NHS: variants seen among roughly 807,000 people sequenced by gnomAD.
NHS encodes the protein actin remodeling regulator NHS.
Under a neutral mutation model 72.5 loss-of-function variants are expected in NHS, and 5 were observed. That is an observed-to-expected ratio of 0.07 (90% CI 0.04 to 0.14). NHS has a LOEUF of 0.14. Among genes scored for constraint, NHS ranks in the 10% least tolerant of loss-of-function variants. NHS has a pLI of 1.00. For synonymous variants in NHS, 464 were observed against 547.7 expected (o/e 0.85, Z 2.13); for missense variants, 1,072 against 1,355.7 (o/e 0.79, Z 3.29).
At chrX:17,719,568 T>A (rs925627755) in intron 4 of NHS, among the ~76,000 whole-genome samples, 162 bp downstream of exon 4, 1 of 111,761 alleles carries the variant, frequency 8.9e-6, no homozygotes, top group Non-Finnish European at 1.9e-5. Context: ...TTGAATTAAA[T>A]AGAATATAAC....
rs1378051848 is a variant in NHS at position 17,692,361 on chromosome X, G to C, written c.745G>C (p.Glu249Gln). 1 of 1,208,168 alleles carries C rather than the reference G, an allele frequency of 8.3e-7. No individual in the cohort carries two copies. Among genetic ancestry groups the C allele is most frequent in the Non-Finnish European group, 1.1e-6 (1 of 894,799 alleles). ...REHRSRSDRR[E>Q]QRAAAPLSIA... Reference sequence around the variant, plus strand: ...ACACCGGAGCCGGAGCGATCGCCGAGAGCAAAGAGCAGCTGCCCCCCTTTC... The same window carrying C: ...ACACCGGAGCCGGAGCGATCGCCGACAGCAAAGAGCAGCTGCCCCCCTTTC... Residue 249 changes from glutamate to glutamine, a missense_variant, in exon 3 of 9, where the codon GAG becomes CAG. Physicochemically the swap from Glu to Gln is conservative, Grantham distance 29. Coordinates refer to ENST00000676302, the MANE Select transcript of NHS (RefSeq NM_001291867.2).
intron 2 of NHS, among the ~76,000 whole-genome samples, chrX:17,688,364 C>G (rs1450446597): frequency 1.8e-5 from 2 of 111,924 alleles, no homozygotes; most frequent in Non-Finnish European, 3.8e-5. Context: ...TTTGGCTTGA[C>G]TCATAAATAG....
At chrX:17,468,859 T>C (rs958024917) in intron 1 of NHS, among the ~76,000 whole-genome samples, 18 of 111,505 alleles carry the variant, frequency 1.6e-4, no homozygotes, top group African/African-American at 5.9e-4. Flanking sequence ...CTGGCCTTAA[T>C]ACATTTTTTA....
chrX:17,380,352 G>A (rs1022793773), intron 1 of NHS, among the ~76,000 whole-genome samples: 7 of 106,924 alleles, frequency 6.5e-5, no homozygotes, highest in Admixed American at 5.1e-4. Context: ...TAGGAGAGGT[G>A]GAGAGGAAAT....
At chrX:17,460,343 A>G (rs1172409225) in intron 1 of NHS, among the ~76,000 whole-genome samples, 2 of 111,107 alleles carry the variant, frequency 1.8e-5, no homozygotes, top group East Asian at 2.8e-4. Flanking sequence ...ACAGTTCCAC[A>G]CTGCTGAGGA....
chrX:17,732,211 A>C lies in NHS; in HGVS notation c.4703A>C (p.Gln1568Pro), dbSNP rs1203640414. 8.3e-7 allele frequency: 1 copy of C among 1,210,163 alleles called. No individual in the cohort carries two copies. The highest frequency in any genetic ancestry group is 1.7e-5 in the African/African-American group (1 of 57,174). Residue 1568 changes from glutamine to proline, a missense_variant, in exon 9 of 9, where the codon CAA becomes CCA. Physicochemically the swap from Gln to Pro is moderately conservative, Grantham distance 76 (BLOSUM62 -1). Coordinates refer to ENST00000676302, the MANE Select transcript of NHS (RefSeq NM_001291867.2). ...ACCGATGATGCCCATCAGGGGTCAC[A>C]AGGGGCTGAGGCATTGTCCCCACTC... Reference protein sequence around the residue: ...QSTDDAHQGSQGAEALSPLSP... With the variant: ...QSTDDAHQGSPGAEALSPLSP...
intron 1 of NHS, among the ~76,000 whole-genome samples, chrX:17,431,715 G>A (rs1242454086): frequency 9.0e-6 from 1 of 111,684 alleles, no homozygotes; most frequent in Non-Finnish European, 1.9e-5. Flanking sequence ...TTAAACCTCT[G>A]CTTTCCATAT....
intron 1 of NHS, among the ~76,000 whole-genome samples, chrX:17,603,184 T>TG (rs200988602): frequency 9.0e-6 from 1 of 111,413 alleles, no homozygotes; most frequent in East Asian, 2.8e-4. Context: ...TGTGTGTGTA[T>TG]GGGGGGGCCC....
At chrX:17,605,567 T>A (rs2065674530) in intron 1 of NHS, among the ~76,000 whole-genome samples, 1 of 111,202 alleles carries the variant, frequency 9.0e-6, no homozygotes, top group South Asian at 3.9e-4. Context: ...GCCCCTTTAG[T>A]ATAGGGGCCC....
chrX:17,604,488 A>G (rs955338214), intron 1 of NHS, among the ~76,000 whole-genome samples: 5 of 112,300 alleles, frequency 4.5e-5, no homozygotes, highest in Non-Finnish European at 9.4e-5. Flanking sequence ...ATGCTGTTTT[A>G]GAAAGTAACT....
chrX:17,395,873 A>G (rs1012374225), intron 1 of NHS, among the ~76,000 whole-genome samples: 8 of 112,596 alleles, frequency 7.1e-5, no homozygotes, highest in Non-Finnish European at 1.5e-4. Flanking sequence ...GCTGCTTATA[A>G]GTAAGAAATA....
intron 1 of NHS, among the ~76,000 whole-genome samples, chrX:17,554,715 G>A (rs947724778): frequency 4.5e-5 from 5 of 112,316 alleles, no homozygotes; most frequent in South Asian, 3.7e-4. Context: ...GTTGAGACGC[G>A]TGTCTGTCTG....
At chrX:17,692,722 G>GA (rs1004930539) in intron 3 of NHS, among the ~76,000 whole-genome samples, 17 of 110,416 alleles carry the variant, frequency 1.5e-4, no homozygotes, top group Non-Finnish European at 1.7e-4. Context: ...CTAAAATCAG[G>GA]AAAAAAAATA....
chrX:17,543,066 A>G (rs1363999511), intron 1 of NHS, among the ~76,000 whole-genome samples: 1 of 111,771 alleles, frequency 8.9e-6, no homozygotes, highest in East Asian at 2.8e-4. Flanking sequence ...ACTTTAGTAC[A>G]TAATAATCAT....
intron 1 of NHS, among the ~76,000 whole-genome samples, chrX:17,675,618 T>C (rs1454687593): frequency 1.8e-5 from 2 of 111,545 alleles, no homozygotes; most frequent in African/African-American, 6.5e-5. Context: ...GTAGGACACC[T>C]CCCTTGACAC....
At chrX:17,398,950 A>C (rs1051171539) in intron 1 of NHS, among the ~76,000 whole-genome samples, 6 of 111,755 alleles carry the variant, frequency 5.4e-5, no homozygotes, top group African/African-American at 1.6e-4. Context: ...AAGAATACTA[A>C]GTTATTGCTA....
At chrX:17,570,776 TG>T (rs2065473743) in intron 1 of NHS, among the ~76,000 whole-genome samples, 1 of 111,905 alleles carries the variant, frequency 8.9e-6, no homozygotes, top group Non-Finnish European at 1.9e-5. Context: ...TTCCAGTTTT[TG>T]CCCGTTCAGC....
At position 17,454,504 on chromosome X, in the gene NHS, T is replaced by C. The variant is rs1383952333; in HGVS notation, c.565+78182T>C. Among the ~76,000 whole-genome samples the C allele has an allele frequency of 4.5e-5, 5 of 112,194 alleles. No individual in the cohort carries two copies. In the Admixed American group the frequency reaches 4.7e-4, roughly 11 times the overall value. On this transcript the variant is annotated intron_variant, in intron 1 of 8. Transcript: ENST00000676302. ...ATTCGCTCATTCTGCTAGTGGAGAT[T>C]TACAAGCTCAGTTCAGCAGCTGAAT...
intron 1 of NHS, among the ~76,000 whole-genome samples, chrX:17,532,031 C>T (rs111605185): frequency 0.059 from 6,558 of 110,763 alleles, 531 homozygotes; most frequent in African/African-American, 0.21. Context: ...TCTTGTCTCC[C>T]CAGGAGCTGG....
Sources: gnomAD v4.1 joint callset for allele counts (sites outside exome capture counted in the v4.1 genomes callset) on GRCh38, gnomAD v4.1.1 for gene constraint, MANE v1.5 for transcripts, NCBI Gene and HGNC (gene_info 2026-07-23, HGNC 2026-07-21) for gene names.